The following ELP4 variants were observed in gnomAD, a reference collection of about 807,000 sequenced individuals.
ELP4 encodes the protein elongator acetyltransferase complex subunit 4.
ELP4 carries 51 observed loss-of-function variants against 48.9 expected under a neutral mutation model. The observed-to-expected ratio is 1.04, with a 90% CI of 0.83 to 1.32. ELP4 has a LOEUF of 1.32. ELP4 is among the 40% of genes most tolerant of loss of function. The pLI is 0.00. For synonymous variants in ELP4, 210 were observed against 189.2 expected, an observed-to-expected ratio of 1.11 and a Z score of -0.90; for missense variants, 519 against 514.6, an observed-to-expected ratio of 1.01 and a Z score of -0.08.
chr11:31,629,237 A>C (rs186293096), intron 6 of ELP4, among the ~76,000 whole-genome samples: 1 of 152,110 alleles, frequency 6.6e-6, no homozygotes, highest in East Asian at 1.9e-4. Flanking sequence ...AGAATACCAG[A>C]TTAAATATTT....
At chr11:31,570,460 A>C (rs1957175770) in intron 3 of ELP4, among the ~76,000 whole-genome samples, 1 of 145,984 alleles carries the variant, frequency 6.9e-6, no homozygotes, top group Non-Finnish European at 1.5e-5. Context: ...GCATCATGTA[A>C]TATACCTTTT....
chr11:31,557,099 G>T (rs1234258525), intron 3 of ELP4, among the ~76,000 whole-genome samples: 1 of 151,824 alleles, frequency 6.6e-6, no homozygotes, highest in Non-Finnish European at 1.5e-5. Context: ...ATGAATTGAT[G>T]CAGCAACAGA....
chr11:31,645,091 T>C (rs546164164), intron 7 of ELP4, among the ~76,000 whole-genome samples: 1 of 151,852 alleles, frequency 6.6e-6, no homozygotes, highest in East Asian at 1.9e-4. Context: ...ATGGTAATAG[T>C]ATGATGAAAA....
intron 3 of ELP4, among the ~76,000 whole-genome samples, chr11:31,543,636 A>T (rs1956633306): frequency 6.6e-6 from 1 of 152,206 alleles, no homozygotes; most frequent in Non-Finnish European, 1.5e-5. Context: ...ATCAATGCAC[A>T]TCATAATCAA....
chr11:31,743,403 G>C (rs1453619993), intron 9 of ELP4, among the ~76,000 whole-genome samples: 3 of 152,134 alleles, frequency 2.0e-5, no homozygotes, highest in Non-Finnish European at 4.4e-5. Context: ...GGACCTAATA[G>C]ACATCTACAG....
chr11:31,561,509 G>A (rs975604179), intron 3 of ELP4, among the ~76,000 whole-genome samples: 2 of 151,970 alleles, frequency 1.3e-5, no homozygotes, highest in South Asian at 4.2e-4. Flanking sequence ...TGGTGCAATC[G>A]CAGCTCACTG....
At position 31,789,826 on chromosome 11, in the gene ELP4, T is replaced by C; in HGVS notation, c.*6302T>C. 1.0e-6 allele frequency: 1 copy of C among 998,426 alleles called. No homozygotes were observed. The highest frequency in any genetic ancestry group is 2.0e-5 in the Admixed American group (1 of 50,430). 61.8% of individuals were successfully genotyped at this position (998,426 alleles called of 1,614,324 possible). On this transcript the variant is annotated 3_prime_UTR_variant, in exon 10 of 10. Coordinates refer to ENST00000640961, the MANE Select transcript of ELP4 (RefSeq NM_019040.5). ...GACACAATTGTAGAACTGAAGCGGCTCTAACAGCCATTTTTCTTTCTTTCC... is the reference window on the plus strand; with the variant it reads ...GACACAATTGTAGAACTGAAGCGGCCCTAACAGCCATTTTTCTTTCTTTCC...
chr11:31,722,665 T>TTCTCTCTC (rs71060499), intron 9 of ELP4, among the ~76,000 whole-genome samples: 1 of 144,188 alleles, frequency 6.9e-6, no homozygotes, highest in African/African-American at 2.6e-5. Flanking sequence ...AAGGTGTCTC[T>TTCTCTCTC]TCTCTCTCTC....
intron 1 of ELP4, among the ~76,000 whole-genome samples, chr11:31,517,058 T>C (rs1956126334): frequency 1.3e-5 from 2 of 152,350 alleles, no homozygotes; most frequent in Non-Finnish European, 2.9e-5. Context: ...TTAGCCTCAC[T>C]GTAAATCGCT....
At chr11:31,659,469 T>C (rs1273089020) in intron 9 of ELP4, among the ~76,000 whole-genome samples, 1 of 152,166 alleles carries the variant, frequency 6.6e-6, no homozygotes, top group African/African-American at 2.4e-5. Context: ...GTCAAATATA[T>C]ATTGCACTCA....
intron 9 of ELP4, chr11:31,682,094 T>C (rs934850283): frequency 6.4e-6 from 8 of 1,258,532 alleles, no homozygotes; most frequent in South Asian, 1.3e-5. Context: ...ATACTGATGT[T>C]GATTTAGTGC....
intron 3 of ELP4, among the ~76,000 whole-genome samples, chr11:31,547,103 A>C (rs1956740672): frequency 6.6e-6 from 1 of 152,214 alleles, no homozygotes; most frequent in African/African-American, 2.4e-5. Flanking sequence ...AACACATTGA[A>C]AAGCTAGCAG....
chr11:31,693,781 G>C (rs1039867660), intron 9 of ELP4, among the ~76,000 whole-genome samples: 3 of 152,220 alleles, frequency 2.0e-5, no homozygotes, highest in African/African-American at 4.8e-5. Context: ...CCCACCAACA[G>C]TGTAAAAGTG....
intron 9 of ELP4, among the ~76,000 whole-genome samples, chr11:31,775,635 G>A (rs575828343): frequency 1.3e-5 from 2 of 152,188 alleles, no homozygotes; most frequent in South Asian, 4.1e-4. Flanking sequence ...AGGAGTTCGA[G>A]ACCAGCCTGG....
chr11:31,522,414 C>A (rs1956229233), intron 2 of ELP4, among the ~76,000 whole-genome samples: 1 of 152,154 alleles, frequency 6.6e-6, no homozygotes, highest in African/African-American at 2.4e-5. Flanking sequence ...ACATTTCACA[C>A]CTTGCTTTAT....
chr11:31,768,786 C>T (rs1272147097), intron 9 of ELP4, among the ~76,000 whole-genome samples: 2 of 152,226 alleles, frequency 1.3e-5, no homozygotes, highest in Non-Finnish European at 2.9e-5. Context: ...TGTTAATTGT[C>T]GTGTTTCAGT....
chr11:31,631,997 T>A (rs2134045850), intron 6 of ELP4, among the ~76,000 whole-genome samples: 1 of 152,226 alleles, frequency 6.6e-6, no homozygotes, highest in Non-Finnish European at 1.5e-5. Context: ...AGGCTTATGA[T>A]ACTCTTCAGA....
chr11:31,683,370 T>C (rs951782730), intron 9 of ELP4, among the ~76,000 whole-genome samples: 4 of 152,176 alleles, frequency 2.6e-5, no homozygotes, highest in Admixed American at 6.5e-5. Flanking sequence ...TTTGTACCAC[T>C]TCAAAGTATG....
intron 3 of ELP4, among the ~76,000 whole-genome samples, chr11:31,575,420 A>G (rs948080066): frequency 2.6e-5 from 4 of 152,140 alleles, no homozygotes; most frequent in Non-Finnish European, 5.9e-5. Flanking sequence ...CCAACATTCA[A>G]ATTCAGGAAA....
Sources: gnomAD v4.1 joint callset for allele counts (sites outside exome capture counted in the v4.1 genomes callset) on GRCh38, gnomAD v4.1.1 for gene constraint, MANE v1.5 for transcripts, NCBI Gene and HGNC (gene_info 2026-07-23, HGNC 2026-07-21) for gene names.